The following LDLRAD3 variants were observed in gnomAD, a reference collection of about 807,000 sequenced individuals.
LDLRAD3 encodes low-density lipoprotein receptor class A domain-containing protein 3.
A neutral mutation model predicts 29.4 loss-of-function variants in LDLRAD3; 20 were observed. That is an observed-to-expected ratio of 0.68 (90% CI 0.48 to 0.99). The LOEUF (loss-of-function observed/expected upper bound fraction) is 0.99. Among genes scored for constraint, LDLRAD3 ranks in the 50% least tolerant of loss-of-function variants. The pLI is 0.00. For missense variants in LDLRAD3, 420 were observed against 454.3 expected (o/e 0.92, Z 0.69); for synonymous variants, 157 against 192.7 (o/e 0.81, Z 1.53).
intron 1 of LDLRAD3, among the ~76,000 whole-genome samples, chr11:35,950,043 A>G (rs1475442577): frequency 6.6e-6 from 1 of 152,238 alleles, no homozygotes; most frequent in Non-Finnish European, 1.5e-5. Flanking sequence ...ACACCCAGGC[A>G]CTGTGTCTAT....
At chr11:36,189,612 G>A (rs886422175) in intron 4 of LDLRAD3, among the ~76,000 whole-genome samples, 5 of 151,816 alleles carry the variant, frequency 3.3e-5, no homozygotes, top group Non-Finnish European at 2.9e-5. Flanking sequence ...AAGTTCTAGG[G>A]TACATGTGCA....
At chr11:36,200,034 G>C (rs1464611767) in intron 4 of LDLRAD3, among the ~76,000 whole-genome samples, 1 of 152,082 alleles carries the variant, frequency 6.6e-6, no homozygotes, top group African/African-American at 2.4e-5. Flanking sequence ...GGGTGTGGTG[G>C]CATGCACCTG....
At chr11:36,096,732 C>A (rs1261867807) in intron 3 of LDLRAD3, among the ~76,000 whole-genome samples, 1 of 152,258 alleles carries the variant, frequency 6.6e-6, no homozygotes, top group African/African-American at 2.4e-5. Flanking sequence ...AGAAGGGGAC[C>A]ATGCTTGGTT....
chr11:36,228,496 C>T (rs142451114), intron 5 of LDLRAD3, among the ~76,000 whole-genome samples: 1,695 of 152,220 alleles, frequency 0.011, 19 homozygotes, highest in Non-Finnish European at 0.017. Context: ...ATTGAATGTC[C>T]CTGTGCCTCA....
chr11:36,226,572 C>T (rs1225100141), intron 4 of LDLRAD3, among the ~76,000 whole-genome samples: 1 of 152,200 alleles, frequency 6.6e-6, no homozygotes, highest in Non-Finnish European at 1.5e-5. Context: ...TTTAAGTTTA[C>T]AGTTCAGTGA....
At chr11:36,135,849 G>T (rs35435646) in intron 4 of LDLRAD3, among the ~76,000 whole-genome samples, 35,914 of 152,048 alleles carry the variant, frequency 0.24, 4,531 homozygotes, top group African/African-American at 0.33. Flanking sequence ...GGCAGAGGTT[G>T]CAGTGAGCCG....
chr11:36,046,943 T>C (rs1206783618), intron 2 of LDLRAD3, among the ~76,000 whole-genome samples: 2 of 152,254 alleles, frequency 1.3e-5, no homozygotes, highest in African/African-American at 4.8e-5. Flanking sequence ...TTTTTTCTTC[T>C]ATAATCTGAT....
chr11:36,219,961 C>T (rs1370104343), intron 4 of LDLRAD3, among the ~76,000 whole-genome samples: 1 of 152,176 alleles, frequency 6.6e-6, no homozygotes, highest in Non-Finnish European at 1.5e-5. Context: ...ATATAAAATG[C>T]TCTTACTATC....
intron 4 of LDLRAD3, among the ~76,000 whole-genome samples, chr11:36,144,327 T>C (rs943368155): frequency 5.5e-4 from 83 of 149,846 alleles, no homozygotes; most frequent in African/African-American, 2.0e-3. Flanking sequence ...AGTGCCGAGA[T>C]TGCAGCCTCT....
At chr11:35,950,413 C>G (rs1416560431) in intron 1 of LDLRAD3, among the ~76,000 whole-genome samples, 2 of 152,166 alleles carry the variant, frequency 1.3e-5, no homozygotes, top group African/African-American at 4.8e-5. Flanking sequence ...TGCTCTGTGA[C>G]TTTTCTAGCT....
At chr11:35,961,671 T>C (rs11033346) in intron 1 of LDLRAD3, among the ~76,000 whole-genome samples, 54,925 of 152,108 alleles carry the variant, frequency 0.36, 10,269 homozygotes, top group East Asian at 0.61. Context: ...ACTTCTCAGT[T>C]GTGCTTTGGT....
chr11:36,224,795 AAGAAG>A (rs1488227582), intron 4 of LDLRAD3, among the ~76,000 whole-genome samples: 1 of 152,196 alleles, frequency 6.6e-6, no homozygotes, highest in Non-Finnish European at 1.5e-5. Flanking sequence ...TATATCAGAA[AAGAAG>A]AGAAGTCAAT....
intron 4 of LDLRAD3, among the ~76,000 whole-genome samples, chr11:36,136,018 A>G (rs1251064411): frequency 6.6e-6 from 1 of 152,196 alleles, no homozygotes; most frequent in Non-Finnish European, 1.5e-5. Flanking sequence ...CTCGTGGATC[A>G]ACACTACCAA....
At chr11:35,998,895 G>A (rs545349042) in intron 1 of LDLRAD3, among the ~76,000 whole-genome samples, 30 of 152,296 alleles carry the variant, frequency 2.0e-4, no homozygotes, top group Middle Eastern at 3.4e-3. Context: ...TTTGAAATTT[G>A]ATCATTGGTA....
rs184715605 is a variant in LDLRAD3 at position 36,031,312 on chromosome 11, G to A, written c.47-4791G>A. 3.9e-5 allele frequency among the ~76,000 whole-genome samples: 6 copies of A among 152,154 alleles called. 1 individual carries two copies. Among genetic ancestry groups the A allele is most frequent in the Admixed American group, 3.3e-4 (5 of 15,262 alleles). ...TCAGCCACTAGAAAGTCCTGCTGTC[G>A]GCCTGAAAAGATTTCTAACCTCTTT... On this transcript the variant is annotated intron_variant, in intron 1 of 5. Transcript: ENST00000315571.
intron 4 of LDLRAD3, among the ~76,000 whole-genome samples, chr11:36,222,572 G>A (rs1046476812): frequency 1.3e-5 from 2 of 152,058 alleles, no homozygotes; most frequent in African/African-American, 4.8e-5. Context: ...TCTGATAGGC[G>A]AAAAATGGTA....
At chr11:36,011,029 T>A (rs1364782493) in intron 1 of LDLRAD3, among the ~76,000 whole-genome samples, 1 of 152,192 alleles carries the variant, frequency 6.6e-6, no homozygotes, top group Non-Finnish European at 1.5e-5. Flanking sequence ...GGTCTCGAAC[T>A]CCTAACCTCA....
intron 1 of LDLRAD3, among the ~76,000 whole-genome samples, chr11:35,974,115 T>G (rs115390766): frequency 0.021 from 3,141 of 152,298 alleles, 111 homozygotes; most frequent in African/African-American, 0.069. Context: ...TGCAGATATA[T>G]TTTCTCTCTT....
intron 4 of LDLRAD3, among the ~76,000 whole-genome samples, chr11:36,220,216 C>G (rs1855409860): frequency 6.6e-6 from 1 of 152,174 alleles, no homozygotes; most frequent in African/African-American, 2.4e-5. Flanking sequence ...CACAGGATGA[C>G]TGACAGTTTC....
Sources: gnomAD v4.1 joint callset for allele counts (sites outside exome capture counted in the v4.1 genomes callset) on GRCh38, gnomAD v4.1.1 for gene constraint, MANE v1.5 for transcripts, NCBI Gene and HGNC (gene_info 2026-07-23, HGNC 2026-07-21) for gene names.